The following ZFR2 variants were observed in gnomAD, a reference collection of about 807,000 sequenced individuals.
ZFR2 encodes zinc finger RNA-binding protein 2.
ZFR2 carries 104 observed loss-of-function variants against 105.7 expected under a neutral mutation model. That is an observed-to-expected ratio of 0.98 (90% CI 0.84 to 1.16). The LOEUF (loss-of-function observed/expected upper bound fraction) is 1.16, where lower values mean the gene tolerates loss of function less well. Among genes scored for constraint, ZFR2 ranks in the 50% most tolerant of loss-of-function variants. ZFR2 has a pLI of 0.00. For synonymous variants in ZFR2, 634 were observed against 597.7 expected (o/e 1.06, Z -0.89); for missense variants, 1,425 against 1,355.5 (o/e 1.05, Z -0.80).
In ZFR2 at chr19:3,806,021, C is replaced by T. The variant is rs1251737787; in HGVS notation, c.2748G>A (p.Arg916=). 9.1e-6 allele frequency: 14 copies of T among 1,546,346 alleles called. No individual in the cohort carries two copies. In the East Asian group the frequency reaches 2.5e-4, roughly 27 times the overall value. The change falls in exon 19 of 19, where the codon CGG becomes CGA. Residue 916 remains arginine (R), a synonymous_variant. Transcript: ENST00000262961. ...RLGARFRKRQ[R]GPGEGEEGAG... ...CGCCCTCCTCTCCCTCGCCAGGTCC[C>T]CGTTGCCTCTTCCGGAAGCGGGCCC... is the stretch of plus-strand genomic sequence containing the variant.
rs2145191157 is a variant in ZFR2 at position 3,858,332 on chromosome 19, G to A, written c.53+10633C>T. On this transcript the variant is annotated intron_variant, in intron 1 of 18. Coordinates refer to ENST00000262961, the MANE Select transcript of ZFR2 (RefSeq NM_015174.2). The surrounding 1 kb of genome is among the most constrained non-coding windows in gnomAD (Gnocchi z 4.3). ...TAGAGGCAGGTGGCGAAATGTCTTA[G>A]GGACAGCCAGGAAGATGGGTCATTC... Among the ~76,000 whole-genome samples the A allele has an allele frequency of 6.6e-6, 1 of 152,294 alleles. No individual in the cohort carries two copies. Among genetic ancestry groups the A allele is most frequent in the South Asian group, 2.1e-4 (1 of 4,830 alleles).
intron 1 of ZFR2, among the ~76,000 whole-genome samples, chr19:3,836,750 G>A (rs182306206): frequency 1.3e-5 from 2 of 152,270 alleles, no homozygotes; most frequent in Admixed American, 6.5e-5. Flanking sequence ...CCTCCAAGGA[G>A]GACCAGGGGC....
Position 3,853,911 on chromosome 19 carries a change from C to T in ZFR2, c.53+15054G>A, listed in dbSNP as rs1487597403. ...CAACACAGTGAGACCCCCGCCTCTACAAAGTCTCTACAAACTACAAAAATT... is the reference window on the plus strand; with the variant it reads ...CAACACAGTGAGACCCCCGCCTCTATAAAGTCTCTACAAACTACAAAAATT... On this transcript the variant is annotated intron_variant, in intron 1 of 18. Coordinates refer to ENST00000262961, the MANE Select transcript of ZFR2 (RefSeq NM_015174.2). 2.0e-5 allele frequency among the ~76,000 whole-genome samples: 3 copies of T among 151,278 alleles called. No individual in the cohort carries two copies. The Middle Eastern group carries it at 0.01, about 525-fold the overall frequency.
intron 3 of ZFR2, among the ~76,000 whole-genome samples, chr19:3,832,890 C>T (rs1045202101): frequency 1.3e-5 from 2 of 150,696 alleles, no homozygotes; most frequent in African/African-American, 4.9e-5. Flanking sequence ...TCTCCCACCT[C>T]GGGCCTCCCA....
At chr19:3,836,767 C>G (rs1257749294) in intron 1 of ZFR2, among the ~76,000 whole-genome samples, 2 of 152,148 alleles carry the variant, frequency 1.3e-5, no homozygotes, top group Admixed American at 1.3e-4. Context: ...GGGCTCATGT[C>G]AAGTGCAGGG....
chr19:3,810,949 G>C, intron 15 of ZFR2, 104 bp from the exon 16 acceptor site: 2 of 1,265,288 alleles, frequency 1.6e-6, no homozygotes, highest in Non-Finnish European at 2.2e-6. Context: ...ATAATAGGGA[G>C]CCTGGCGGGC....
At chr19:3,806,203 C>T (rs1180965920) in intron 18 of ZFR2, 78 bp from the exon 19 acceptor site, 2 of 1,372,996 alleles carry the variant, frequency 1.5e-6, no homozygotes, top group Non-Finnish European at 1.9e-6. Context: ...GGGCTGGTGT[C>T]TGTGGCCACC....
intron 7 of ZFR2, among the ~76,000 whole-genome samples, chr19:3,824,368 G>A (rs1449294628): frequency 6.6e-6 from 1 of 152,204 alleles, no homozygotes; most frequent in Admixed American, 6.5e-5. Flanking sequence ...TGCACACAAA[G>A]CAGTGAGCAG....
chr19:3,815,433 A>C lies in ZFR2; in HGVS notation c.2103+1241T>G, dbSNP rs560425624. On this transcript the variant is annotated intron_variant, in intron 13 of 18. Transcript: ENST00000262961. Reference sequence around the variant, plus strand: ...CTAAGATGATCAATGTAAATTCTTCAGTATGAGAAGAGTATATGAAAATTC... The same window carrying C: ...CTAAGATGATCAATGTAAATTCTTCCGTATGAGAAGAGTATATGAAAATTC... Among the ~76,000 whole-genome samples, 7 of 152,304 alleles carry C rather than the reference A, an allele frequency of 4.6e-5. No homozygotes were observed. In the South Asian group the frequency reaches 1.5e-3, roughly 32 times the overall value.
chr19:3,820,924 G>A (rs1359602323), intron 10 of ZFR2, among the ~76,000 whole-genome samples: 28 of 79,978 alleles, frequency 3.5e-4, no homozygotes, highest in African/African-American at 6.1e-4. Context: ...CAGGGACACC[G>A]GGGGTCGGGG....
chr19:3,863,248 C>T (rs1252834047), intron 1 of ZFR2, among the ~76,000 whole-genome samples: 2 of 152,202 alleles, frequency 1.3e-5, no homozygotes, highest in African/African-American at 4.8e-5. Flanking sequence ...TTAACAGGTT[C>T]TGTCACTGGC....
rs184206400 is a variant in ZFR2, at chr19:3,847,062, G to T, written c.54-12079C>A. 3.3e-5 allele frequency among the ~76,000 whole-genome samples: 5 copies of T among 152,314 alleles called. No homozygotes were observed. In the East Asian group the frequency reaches 9.6e-4, roughly 29 times the overall value. ...TGGCAAGTTGGTGCTGACTGTTGGTGGCAGTCCTTGTTCCTCCCAGGCAGG... is the reference window on the plus strand; with the variant it reads ...TGGCAAGTTGGTGCTGACTGTTGGTTGCAGTCCTTGTTCCTCCCAGGCAGG... On this transcript the variant is annotated intron_variant, in intron 1 of 18. Coordinates refer to ENST00000262961, the MANE Select transcript of ZFR2 (RefSeq NM_015174.2).
At position 3,807,304 on chromosome 19, in the gene ZFR2, G is replaced by A. The variant is rs1452473599; in HGVS notation, c.2546-35C>T. ...GGGGAGTGGGAACAGCAAAGAAGGCGAGAATGCCCTCGTGAAAGACGGTGA... is the reference window on the plus strand; with the variant it reads ...GGGGAGTGGGAACAGCAAAGAAGGCAAGAATGCCCTCGTGAAAGACGGTGA... On this transcript the variant is annotated intron_variant, in intron 17 of 18. Coordinates refer to ENST00000262961, the MANE Select transcript of ZFR2 (RefSeq NM_015174.2). 25 of 1,481,242 alleles carry A rather than the reference G, an allele frequency of 1.7e-5. No homozygotes were observed. In the Admixed American group the frequency reaches 3.0e-4, roughly 18 times the overall value. The allele number at this position is 1,481,242 out of a possible 1,614,324, so 91.8% of individuals were successfully genotyped here. A position where few individuals can be genotyped will look rare whatever the true frequency, so the allele number is the denominator to read the frequency against.
chr19:3,817,098 A>G (rs2037833779), intron 12 of ZFR2, among the ~76,000 whole-genome samples: 1 of 151,982 alleles, frequency 6.6e-6, no homozygotes, highest in Non-Finnish European at 1.5e-5. Flanking sequence ...CCAAACCCAC[A>G]TTTTCCTTCC....
chr19:3,831,694 C>CG lies in ZFR2; in HGVS notation c.563dup (p.Pro189AlafsTer19). 5 of 1,572,298 alleles carry CG rather than the reference C, an allele frequency of 3.2e-6. No individual in the cohort carries two copies. Among genetic ancestry groups the CG allele is most frequent in the South Asian group, 2.4e-5 (2 of 84,800 alleles). ...CGGTGCAGGTGGGGTTGTAGGAGGGCGGGGGGTAGGAGGTCACGATGGAAG... is the reference window on the plus strand; with the variant it reads ...CGGTGCAGGTGGGGTTGTAGGAGGGCGGGGGGGTAGGAGGTCACGATGGAAG... On this transcript the variant is annotated frameshift_variant, in exon 4 of 19. Transcript: ENST00000262961. LOFTEE classifies it high-confidence loss of function.
chr19:3,833,632 C>CGAGG (rs1568425879), intron 3 of ZFR2, 32 bp downstream of exon 3: 2 of 1,508,892 alleles, frequency 1.3e-6, no homozygotes, highest in African/African-American at 2.8e-5. Flanking sequence ...AGCGTCTCCT[C>CGAGG]GTTCCCAGCC....
At position 3,823,797 on chromosome 19, in the gene ZFR2, C is replaced by G. The variant is rs1280996284; in HGVS notation, c.1214-394G>C. Among the ~76,000 whole-genome samples the G allele has an allele frequency of 6.6e-6, 1 of 152,204 alleles. No individual in the cohort carries two copies. The highest frequency in any genetic ancestry group is 2.4e-5 in the African/African-American group (1 of 41,442). On this transcript the variant is annotated intron_variant, in intron 7 of 18. Transcript: ENST00000262961. This position sits in a 1 kb window ranked among gnomAD's most constrained non-coding sequence, Gnocchi z 5.4. The stretch of plus-strand genomic sequence containing the variant: ...ACAAATATCTTTGTTATAAGAATGA[C>G]TTGATGGTTTGATCTTCAAAATCAT...
intron 3 of ZFR2, 148 bp from the exon 4 acceptor site, chr19:3,832,026 G>A (rs1432527296): frequency 1.5e-5 from 9 of 586,472 alleles, no homozygotes; most frequent in South Asian, 3.9e-5. Flanking sequence ...TGCTGGCAGC[G>A]ACTCGCAGGT....
At chr19:3,833,860 T>C in intron 2 of ZFR2, 82 bp from the exon 3 acceptor site, 1 of 1,016,106 alleles carries the variant, frequency 9.8e-7, no homozygotes. Flanking sequence ...CCTGCCACAC[T>C]GCACTCTGCA....
Sources: allele counts gnomAD v4.1 joint callset (sites outside exome capture counted in the v4.1 genomes callset), GRCh38; gene constraint gnomAD v4.1.1; non-coding constraint Gnocchi (gnomAD v3.1); transcripts MANE v1.5; gene names NCBI Gene and HGNC (gene_info 2026-07-23, HGNC 2026-07-21).